RPLP0: variants seen among roughly 807,000 people sequenced by gnomAD.
RPLP0 encodes ribosomal protein lateral stalk subunit P0.
For synonymous variants in RPLP0, 137 were observed against 153.4 expected (o/e 0.89, Z 0.79); for missense variants, 276 against 402.9 (o/e 0.69, Z 2.70).
chr12:120,200,528 C>T (rs192950384), intron 2 of RPLP0: 34 of 579,074 alleles, frequency 5.9e-5, no homozygotes, highest in African/African-American at 5.9e-4. Context: ...ATGCTGTCAT[C>T]TTAGGACCCA....
In RPLP0 at chr12:120,198,427, T is replaced by C; in HGVS notation, c.651+127A>G. ...AAATCCTTCAACAATCTTATGTTGT[T>C]ACTGACATTTTACAGATGAGGTAGG... On this transcript the variant is annotated intron_variant, in intron 6 of 7. Coordinates refer to ENST00000392514, the MANE Select transcript of RPLP0 (RefSeq NM_001002.4). The surrounding 1 kb of genome is among the most constrained non-coding windows in gnomAD (Gnocchi z 4.1). The C allele has an allele frequency of 1.0e-6, 1 of 996,220 alleles. No individual in the cohort carries two copies. The highest frequency in any genetic ancestry group is 1.5e-6 in the Non-Finnish European group (1 of 667,312). 61.7% of individuals were successfully genotyped at this position (996,220 alleles called of 1,614,324 possible).
chr12:120,199,850 C>T (rs557780813), intron 2 of RPLP0: 6 of 364,390 alleles, frequency 1.6e-5, no homozygotes, highest in South Asian at 6.4e-5. Context: ...AAAAGCACCA[C>T]GTTAAGCAAA....
intron 2 of RPLP0, chr12:120,200,212 C>G (rs531556535): frequency 2.4e-6 from 1 of 422,574 alleles, no homozygotes; most frequent in African/African-American, 2.0e-5. Flanking sequence ...CACCTGTAAT[C>G]CTAGCACTTA....
chr12:120,200,699 G>A (rs1329341454), intron 2 of RPLP0, 31 bp downstream of exon 2: 1 of 1,600,288 alleles, frequency 6.2e-7, no homozygotes, highest in East Asian at 2.3e-5. Context: ...GGGGCAACAT[G>A]AAGAGCAGAG....
chr12:120,197,502 C>T lies in RPLP0; in HGVS notation c.652-40G>A, dbSNP rs546079611. The T allele has an allele frequency of 5.0e-6, 8 of 1,605,484 alleles. No individual in the cohort carries two copies. The Admixed American group carries it at 5.1e-5, about 10-fold the overall frequency. ...ATTTCATTTTACGTGAGATTCCCTACAGGAAAGGAAGTCCAAGTAAGGGTG... is the reference window on the plus strand; with the variant it reads ...ATTTCATTTTACGTGAGATTCCCTATAGGAAAGGAAGTCCAAGTAAGGGTG... On this transcript the variant is annotated intron_variant, in intron 6 of 7. Coordinates refer to ENST00000392514, the MANE Select transcript of RPLP0 (RefSeq NM_001002.4).
At chr12:120,199,565 T>C in intron 2 of RPLP0, 80 bp from the exon 3 acceptor site, 1 of 1,423,388 alleles carries the variant, frequency 7.0e-7, no homozygotes, top group Middle Eastern at 1.7e-4. Context: ...AACCCCACAA[T>C]TTGTTTCCAT....
Position 120,198,444 on chromosome 12 carries a change from T to G in RPLP0, c.651+110A>C. ...TATGTTGTTACTGACATTTTACAGA[T>G]GAGGTAGGTAGACAGATGAAAACAC... On this transcript the variant is annotated intron_variant, in intron 6 of 7. Transcript: ENST00000392514. The surrounding 1 kb of genome is among the most constrained non-coding windows in gnomAD (Gnocchi z 4.1). The G allele has an allele frequency of 1.7e-5, 19 of 1,131,780 alleles. No individual in the cohort carries two copies. Among genetic ancestry groups the G allele is most frequent in the Non-Finnish European group, 2.3e-5 (18 of 771,568 alleles). 70.1% of individuals were successfully genotyped at this position (1,131,780 alleles called of 1,614,324 possible).
At position 120,198,488 on chromosome 12, in the gene RPLP0, C is replaced by A; in HGVS notation, c.651+66G>T. ...AAAACACAGTCCTTGGTTACAGGGA[C>A]TCAGTCTGAACCTTGTCATGCTCTC... On this transcript the variant is annotated intron_variant, in intron 6 of 7. Transcript: ENST00000392514. The surrounding 1 kb of genome is among the most constrained non-coding windows in gnomAD (Gnocchi z 4.1). The A allele has an allele frequency of 2.6e-6, 4 of 1,565,894 alleles. No individual in the cohort carries two copies. Among genetic ancestry groups the A allele is most frequent in the Non-Finnish European group, 3.5e-6 (4 of 1,138,072 alleles).
At position 120,200,789 on chromosome 12, in the gene RPLP0, C is replaced by T. The variant is rs750876476; in HGVS notation, c.-6G>A. 7 of 1,610,244 alleles carry T rather than the reference C, an allele frequency of 4.3e-6. No individual in the cohort carries two copies. Among genetic ancestry groups the T allele is most frequent in the Admixed American group, 1.7e-5 (1 of 59,806 alleles). On this transcript the variant is annotated 5_prime_UTR_variant, in exon 2 of 8. Transcript: ENST00000392514. ...GCCCTGTCTTCCCTGGGCATCACGG[C>T]GGTGCGTCAGGGATTGCCACGCAGG...
At position 120,199,423 on chromosome 12, in the gene RPLP0, C is replaced by G; in HGVS notation, c.117G>C (p.Gln39His). ...GAAGGGACATGCGGATCTGCTGCAT[C>G]TGCTTGGAGCCCACATTGTCTGCTC... is the stretch of plus-strand genomic sequence containing the variant. ...IVGADNVGSKQMQQIRMSLRG... is the reference protein window; with the variant it reads ...IVGADNVGSKHMQQIRMSLRG... The change falls in exon 3 of 8, where the codon CAG (glutamine) becomes CAC (histidine). Residue 39 changes from glutamine (Q) to histidine (H), a missense_variant. Physicochemically the swap from Gln to His is conservative, Grantham distance 24. Transcript: ENST00000392514. 1 of 1,614,134 alleles carries G rather than the reference C, an allele frequency of 6.2e-7. No homozygotes were observed. Among genetic ancestry groups the G allele is most frequent in the Non-Finnish European group, 8.5e-7 (1 of 1,180,034 alleles).
At chr12:120,199,644 C>G in intron 2 of RPLP0, 159 bp from the exon 3 acceptor site, 1 of 676,776 alleles carries the variant, frequency 1.5e-6, no homozygotes, top group Non-Finnish European at 2.5e-6. Context: ...CACTGCCAAA[C>G]TGGATGATTG....
chr12:120,200,852 C>A (rs1326016250), intron 1 of RPLP0, 21 bp from the exon 2 acceptor site: 12 of 1,569,980 alleles, frequency 7.6e-6, no homozygotes, highest in Non-Finnish European at 1.0e-5. Context: ...ACAGGGAGCT[C>A]AGGCCTGGTC....
chr12:120,200,513 T>C (rs1400375048), intron 2 of RPLP0: 9 of 547,898 alleles, frequency 1.6e-5, no homozygotes, highest in African/African-American at 9.6e-5. Flanking sequence ...CAGACCTGGA[T>C]ACGAATGCTG....
In RPLP0 at chr12:120,196,875, G is replaced by A. The variant is rs763419903; in HGVS notation, c.852C>T (p.Ala284=). 47 of 1,609,578 alleles carry A rather than the reference G, an allele frequency of 2.9e-5. No individual in the cohort carries two copies. In the African/African-American group the frequency reaches 5.8e-4, roughly 20 times the overall value. Residue 284 remains alanine (A), a synonymous_variant, in exon 8 of 8, where the codon GCC becomes GCT. Coordinates refer to ENST00000392514, the MANE Select transcript of RPLP0 (RefSeq NM_001002.4). ...CAGCAGCAGCAGGAGCAGCTGTGGT[G>A]GCAGCAGCCACAGGGGCAGCAGCCA... ...AFVAAAPVAA[A]TTAAPAAAAA... is the part of the protein sequence containing the mutation.
intron 2 of RPLP0, 78 bp from the exon 3 acceptor site, chr12:120,199,563 A>G (rs555988318): frequency 6.9e-7 from 1 of 1,448,248 alleles, no homozygotes; most frequent in Non-Finnish European, 9.3e-7. Flanking sequence ...TGAACCCCAC[A>G]ATTTGTTTCC....
At chr12:120,200,473 A>AG (rs1879394942) in intron 2 of RPLP0, 1 of 453,600 alleles carries the variant, frequency 2.2e-6, no homozygotes, top group Non-Finnish European at 3.9e-6. Flanking sequence ...AAAAAAAAAA[A>AG]GTATAAAGCG....
In RPLP0 at chr12:120,198,375, G is replaced by A. The variant is rs1879265565; in HGVS notation, c.651+179C>T. The A allele has an allele frequency of 1.5e-6, 1 of 651,160 alleles. No homozygotes were observed. The highest frequency in any genetic ancestry group is 2.5e-6 in the Non-Finnish European group (1 of 395,686). The allele number at this position is 651,160 out of a possible 1,614,324, so 40.3% of individuals were successfully genotyped here. ...CACTCCAGCCTGGGCGACACAGCAA[G>A]ACTCTGTCTCCAAAAAAAAAAAAAA... On this transcript the variant is annotated intron_variant, in intron 6 of 7. Coordinates refer to ENST00000392514, the MANE Select transcript of RPLP0 (RefSeq NM_001002.4). This position sits in a 1 kb window ranked among gnomAD's most constrained non-coding sequence, Gnocchi z 4.1.
rs1879269426 is a variant in RPLP0, at chr12:120,198,410, C to CG, written c.651+143_651+144insC. On this transcript the variant is annotated intron_variant, in intron 6 of 7. Coordinates refer to ENST00000392514, the MANE Select transcript of RPLP0 (RefSeq NM_001002.4). The surrounding 1 kb of genome is among the most constrained non-coding windows in gnomAD (Gnocchi z 4.1). ...CCAAAAAAAAAAAAAAAAAATCCTTCAACAATCTTATGTTGTTACTGACAT... is the reference window on the plus strand; with the variant it reads ...CCAAAAAAAAAAAAAAAAAATCCTTCGAACAATCTTATGTTGTTACTGACAT... 1.2e-6 allele frequency: 1 copy of CG among 802,044 alleles called. No homozygotes were observed. The allele number at this position is 802,044 out of a possible 1,614,324, so 49.7% of individuals were successfully genotyped here.
In RPLP0 at chr12:120,197,274, T is replaced by G. The variant is rs370945088; in HGVS notation, c.792+48A>C. The stretch of plus-strand genomic sequence containing the variant: ...AAGGTAGAAGGCCACATCACCCTGC[T>G]AATTTGTCACAGTCAGGCCCACTGT... On this transcript the variant is annotated intron_variant, in intron 7 of 7. Transcript: ENST00000392514. 36 of 1,559,680 alleles carry G rather than the reference T, an allele frequency of 2.3e-5. No individual in the cohort carries two copies. In the African/African-American group the frequency reaches 4.2e-4, roughly 18 times the overall value.
Sources: gnomAD v4.1 joint callset for allele counts on GRCh38, gnomAD v4.1.1 for gene constraint, Gnocchi (gnomAD v3.1) non-coding constraint, MANE v1.5 for transcripts, NCBI Gene and HGNC (gene_info 2026-07-23, HGNC 2026-07-21) for gene names.